Variants in PLS3 observed in about 807,000 individuals in gnomAD.
The protein encoded by PLS3 is plastin-3.
Under a neutral mutation model 46.5 loss-of-function variants are expected in PLS3, and 11 were observed. The observed-to-expected ratio is 0.24, with a 90% CI of 0.15 to 0.39. The LOEUF is 0.39. Ranked by LOEUF, PLS3 falls within the 10% of genes least tolerant of loss-of-function variation. The pLI, the probability that PLS3 is intolerant of heterozygous loss-of-function variation, is 1.00. For synonymous variants in PLS3, 167 were observed against 162.2 expected (o/e 1.03, Z -0.22); for missense variants, 308 against 461.8 (o/e 0.67, Z 3.05).
At chrX:115,592,846 GCA>G (rs1473201815) in intron 1 of PLS3, among the ~76,000 whole-genome samples, 1 of 111,014 alleles carries the variant, frequency 9.0e-6, no homozygotes, top group Non-Finnish European at 1.9e-5. Context: ...TAAGCAATTT[GCA>G]CAGTTAATAA....
chrX:115,632,988 G>A (rs1310348582), intron 5 of PLS3, among the ~76,000 whole-genome samples: 1 of 110,090 alleles, frequency 9.1e-6, no homozygotes, highest in Non-Finnish European at 1.9e-5. Flanking sequence ...TGCCTGCCTT[G>A]GCCTCCCAAA....
intron 3 of PLS3, among the ~76,000 whole-genome samples, chrX:115,628,348 T>C (rs782010182): frequency 4.4e-5 from 5 of 112,525 alleles, no homozygotes; most frequent in African/African-American, 1.6e-4. Flanking sequence ...TTTCAATGAA[T>C]CCACTTAAAT....
intron 1 of PLS3, among the ~76,000 whole-genome samples, chrX:115,595,127 A>G (rs1556633652): frequency 8.9e-6 from 1 of 111,873 alleles, no homozygotes; most frequent in African/African-American, 3.3e-5. Flanking sequence ...TGAATTGAAT[A>G]TTTCTATTAT....
chrX:115,575,340 T>C (rs1024507194), intron 1 of PLS3, among the ~76,000 whole-genome samples: 1 of 112,429 alleles, frequency 8.9e-6, no homozygotes, highest in African/African-American at 3.2e-5. Context: ...CCTAATGAGT[T>C]AGAGGTGGTG....
At chrX:115,616,939 T>C (rs782739860) in intron 2 of PLS3, among the ~76,000 whole-genome samples, 2 of 111,900 alleles carry the variant, frequency 1.8e-5, no homozygotes, top group East Asian at 5.7e-4. Context: ...GGCTAAACTA[T>C]GGGAAAATGG....
intron 1 of PLS3, among the ~76,000 whole-genome samples, chrX:115,584,227 C>G (rs2074294995): frequency 8.9e-6 from 1 of 111,929 alleles, no homozygotes. Context: ...TGAGTTAATT[C>G]CTTTAGGATG....
rs1556640338 is a variant in PLS3 at position 115,636,864 on chromosome X, G to A, written c.777G>A (p.Glu259=). The A allele has an allele frequency of 7.5e-6, 9 of 1,202,947 alleles. No homozygotes were observed. The highest frequency in any genetic ancestry group is 1.0e-5 in the Non-Finnish European group (9 of 890,136). Residue 259 remains glutamate, a synonymous_variant, in exon 8 of 16, where the codon GAG becomes GAA. Transcript: ENST00000355899. The stretch of plus-strand genomic sequence containing the variant: ...TGGCTGCTTTACTCCGAGATGGTGA[G>A]ACTTTGGAGGAACTTATGAAATTGT... ...EALAALLRDG[E]TLEELMKLSP... is the part of the protein sequence containing the mutation.
intron 14 of PLS3, 104 bp downstream of exon 14, chrX:115,647,777 C>A: frequency 8.9e-7 from 1 of 1,118,599 alleles, no homozygotes; most frequent in Non-Finnish European, 1.2e-6. Context: ...TAGTGTTGGG[C>A]TAATGGCACA....
In PLS3 at chrX:115,610,205, A is replaced by T. The variant is rs782461847; in HGVS notation, c.-8-38A>T. 20 of 752,018 alleles carry T rather than the reference A, an allele frequency of 2.7e-5. No homozygotes were observed. In the Middle Eastern group the frequency reaches 1.5e-3, roughly 58 times the overall value. The allele number at this position is 752,018 out of a possible 1,213,427, so 62.0% of individuals were successfully genotyped here. A position where few individuals can be genotyped will look rare whatever the true frequency, so the allele number is the denominator to read the frequency against. On this transcript the variant is annotated intron_variant, in intron 1 of 15. Transcript: ENST00000355899. The stretch of plus-strand genomic sequence containing the variant: ...AGCAAGAGTGCTTATATTTATCACA[A>T]TTTTTTAAAGTCTGAAACGTTTTTG...
At chrX:115,638,702 TA>T (rs782733372) in intron 8 of PLS3, among the ~76,000 whole-genome samples, 1 of 104,121 alleles carries the variant, frequency 9.6e-6, no homozygotes, top group South Asian at 4.9e-4. Context: ...TTTTATTTTT[TA>T]AATTATTTTT....
intron 2 of PLS3, among the ~76,000 whole-genome samples, chrX:115,613,747 C>A (rs149462101): frequency 9.1e-6 from 1 of 109,974 alleles, no homozygotes; most frequent in South Asian, 3.9e-4. Context: ...ATCCTCCCAC[C>A]TCGGCCTCCT....
intron 1 of PLS3, among the ~76,000 whole-genome samples, chrX:115,597,727 A>C (rs2074402974): frequency 8.9e-6 from 1 of 111,764 alleles, no homozygotes; most frequent in Non-Finnish European, 1.9e-5. Flanking sequence ...ACAGTTGCTA[A>C]ATATATCCAG....
At position 115,634,877 on chromosome X, in the gene PLS3, G is replaced by C. The variant is rs2074814800; in HGVS notation, c.583-4G>C. ...AGCAAGTGTGTAATTTGGCTGTCTT[G>C]CAGGAAAACTTGAACTTGGCACTGA... On this transcript the variant is annotated splice_polypyrimidine_tract_variant and splice_region_variant and intron_variant, in intron 6 of 15. Coordinates refer to ENST00000355899, the MANE Select transcript of PLS3 (RefSeq NM_005032.7). 8.3e-7 allele frequency: 1 copy of C among 1,202,691 alleles called. No individual in the cohort carries two copies. The highest frequency in any genetic ancestry group is 1.7e-5 in the African/African-American group (1 of 57,698).
At position 115,647,885 on chromosome X, in the gene PLS3, C is replaced by T; in HGVS notation, c.1636-8C>T. 8.3e-7 allele frequency: 1 copy of T among 1,198,737 alleles called. No homozygotes were observed. The highest frequency in any genetic ancestry group is 1.1e-6 in the Non-Finnish European group (1 of 886,170). ...AAAATTCTCAGATTTGTTCTCCTTTCACACTAGGACAAGACGATCAGCTCC... is the reference window on the plus strand; with the variant it reads ...AAAATTCTCAGATTTGTTCTCCTTTTACACTAGGACAAGACGATCAGCTCC... On this transcript the variant is annotated splice_region_variant and splice_polypyrimidine_tract_variant and intron_variant, in intron 14 of 15. Transcript: ENST00000355899.
At chrX:115,578,691 C>CAAAAAAAAAAAAAAA in intron 1 of PLS3, among the ~76,000 whole-genome samples, 1 of 26,964 alleles carries the variant, frequency 3.7e-5, no homozygotes, top group Non-Finnish European at 6.9e-5. Flanking sequence ...CGCCACTGCA[C>CAAAAAAAAAAAAAAA]AAAAAAAAAA....
intron 1 of PLS3, among the ~76,000 whole-genome samples, chrX:115,597,768 C>T (rs1174345880): frequency 9.0e-6 from 1 of 111,512 alleles, no homozygotes; most frequent in African/African-American, 3.3e-5. Context: ...TTACTTTATT[C>T]TCTAGTTCCT....
intron 2 of PLS3, among the ~76,000 whole-genome samples, chrX:115,620,729 T>TTTTTC (rs1569528167): frequency 2.1e-5 from 2 of 95,860 alleles, no homozygotes; most frequent in African/African-American, 7.8e-5. Flanking sequence ...TTTTTTTTTT[T>TTTTTC]TGAGATGGAG....
chrX:115,643,313 G>A lies in PLS3; in HGVS notation c.988G>A (p.Glu330Lys). 8.5e-7 allele frequency: 1 copy of A among 1,179,472 alleles called. No homozygotes were observed. Among genetic ancestry groups the A allele is most frequent in the African/African-American group, 1.8e-5 (1 of 56,997 alleles). ...RIDINMSGFN[E>K]TDDLKRAESM... is the part of the protein sequence containing the mutation. ...AAGTCTTCCGATTTTGTTTCAACAG[G>A]AAACAGATGATTTGAAGAGAGCTGA... The change falls in exon 10 of 16, where the codon GAA becomes AAA. Residue 330 changes from glutamate (E) to lysine (K), a missense_variant and splice_region_variant. Transcript: ENST00000355899.
chrX:115,608,782 G>T (rs2074519193), intron 1 of PLS3, among the ~76,000 whole-genome samples: 1 of 111,469 alleles, frequency 9.0e-6, no homozygotes, highest in Non-Finnish European at 1.9e-5. Context: ...TACCATCTAG[G>T]TTTGTGTACG....
Sources: gnomAD v4.1 joint callset for allele counts (sites outside exome capture counted in the v4.1 genomes callset) on GRCh38, gnomAD v4.1.1 for gene constraint, MANE v1.5 for transcripts, NCBI Gene and HGNC (gene_info 2026-07-23, HGNC 2026-07-21) for gene names.